The following TDRD1 variants were observed in gnomAD, a reference collection of about 807,000 sequenced individuals.
The protein encoded by TDRD1 is tudor domain-containing protein 1.
A neutral mutation model predicts 140.6 loss-of-function variants in TDRD1; 37 were observed. The ratio of observed to expected loss-of-function variants is 0.26; its 90% CI spans 0.20 to 0.35. The LOEUF (loss-of-function observed/expected upper bound fraction) is 0.35. Ranked by LOEUF, TDRD1 falls within the 10% of genes least tolerant of loss-of-function variation. The pLI, the probability that TDRD1 is intolerant of heterozygous loss-of-function variation, is 1.00. For missense variants in TDRD1, 1,243 were observed against 1,393.0 expected, an observed-to-expected ratio of 0.89 and a Z score of 1.71; for synonymous variants, 506 against 475.7, an observed-to-expected ratio of 1.06 and a Z score of -0.83.
rs1427630152 is a variant in TDRD1, at chr10:114,227,240, T to G, written c.3344T>G (p.Leu1115Arg). 26 of 1,614,104 alleles carry G rather than the reference T, an allele frequency of 1.6e-5. No individual in the cohort carries two copies. The Admixed American group carries it at 4.3e-4, about 27-fold the overall frequency. The change falls in exon 23 of 26, where the codon CTA (leucine) becomes CGA (arginine). Residue 1115 changes from leucine (L) to arginine (R), a missense_variant. By Grantham distance (102) the Leu-to-Arg change is moderately radical (BLOSUM62 -2). This residue lies in a region of TDRD1 where 601 missense variants were observed against 734.7 expected (regional missense o/e 0.82). Transcript: ENST00000251864. ...GGGACTGTCGATGTAGCTGATAAGC[T>G]AGTGACATTTGGTCTGGCAAAAAAC...
chr10:114,220,554 T>C lies in TDRD1; in HGVS notation c.2495-14T>C. 6.2e-7 allele frequency: 1 copy of C among 1,600,430 alleles called. No homozygotes were observed. On this transcript the variant is annotated splice_polypyrimidine_tract_variant and intron_variant, in intron 18 of 25. Transcript: ENST00000251864. ...GTTCATAGGATTCTTTTTACTGCTG[T>C]CCTTATTTTCTAGATATACAGTCTA...
chr10:114,200,670 C>T (rs780246878), intron 4 of TDRD1, among the ~76,000 whole-genome samples: 5 of 151,844 alleles, frequency 3.3e-5, no homozygotes, highest in South Asian at 2.1e-4. Flanking sequence ...ACTACAGGTG[C>T]GCACCACCAC....
At position 114,188,889 on chromosome 10, in the gene TDRD1, A is replaced by C. The variant is rs925451433; in HGVS notation, c.325+733A>C. On this transcript the variant is annotated intron_variant, in intron 2 of 25. Coordinates refer to ENST00000251864, the Ensembl canonical transcript of TDRD1. ...ATAAAACAAAATGAAAAAAAAAAAA[A>C]AAAAAACCTTTCTAAAGAGGTTAGG... 1.1e-3 allele frequency among the ~76,000 whole-genome samples: 167 copies of C among 152,110 alleles called. 2 individuals carry two copies. The highest frequency in any genetic ancestry group is 3.6e-3 in the African/African-American group (148 of 41,506).
exon 4 of TDRD1, chr10:114,199,214 A>T: frequency 1.9e-6 from 3 of 1,614,064 alleles, no homozygotes; most frequent in Non-Finnish European, 2.5e-6. Context: ...CAAAAAAACT[A>T]AACAAGTTGG....
downstream of TDRD1, among the ~76,000 whole-genome samples, chr10:114,232,504 CTTTTTTTTTTTTTTT>C (rs140805425): frequency 2.4e-5 from 2 of 81,682 alleles, no homozygotes; most frequent in African/African-American, 4.8e-5. Context: ...ACTTGAAAGA[CTTTTTTTTTTTTTTT>C]TTTTTTTTTT....
In TDRD1 at chr10:114,227,349, CAG is replaced by C. The variant is rs879723012; in HGVS notation, c.3403+52_3403+53del. 6 of 1,299,686 alleles carry C rather than the reference CAG, an allele frequency of 4.6e-6. No homozygotes were observed. The Admixed American group carries it at 6.9e-5, about 15-fold the overall frequency. The allele number at this position is 1,299,686 out of a possible 1,614,324, so 80.5% of individuals were successfully genotyped here. A position where few individuals can be genotyped will look rare whatever the true frequency, so the allele number is the denominator to read the frequency against. On this transcript the variant is annotated intron_variant, in intron 23 of 25. Transcript: ENST00000251864. ...AACAGATGTTAAGTGTGAGGAATAACAGATAATCAATTTAGTTGACTTGACCT... is the reference window on the plus strand; with the variant it reads ...AACAGATGTTAAGTGTGAGGAATAACATAATCAATTTAGTTGACTTGACCT...
chr10:114,227,461 C>G (rs1367225574), intron 23 of TDRD1, among the ~76,000 whole-genome samples, 162 bp downstream of exon 23: 2 of 152,190 alleles, frequency 1.3e-5, no homozygotes, highest in Non-Finnish European at 2.9e-5. Context: ...CCTGGGAGGG[C>G]CGCCTTGATG....
At chr10:114,182,137 G>C (rs773652245) in intron 1 of TDRD1, among the ~76,000 whole-genome samples, 1 of 152,196 alleles carries the variant, frequency 6.6e-6, no homozygotes, top group Non-Finnish European at 1.5e-5. Context: ...CTGCCAACCC[G>C]TGTCTGGAAT....
exon 4 of TDRD1, chr10:114,199,220 G>T: frequency 6.2e-7 from 1 of 1,614,026 alleles, no homozygotes; most frequent in Non-Finnish European, 8.5e-7. Flanking sequence ...AACTAAACAA[G>T]TTGGTCGAGA....
chr10:114,215,312 C>T (rs1307940638), intron 16 of TDRD1, among the ~76,000 whole-genome samples: 2 of 152,172 alleles, frequency 1.3e-5, no homozygotes, highest in African/African-American at 2.4e-5. Flanking sequence ...TACCATTGGA[C>T]ACTTGGCCTG....
intron 1 of TDRD1, among the ~76,000 whole-genome samples, chr10:114,183,644 A>T (rs2033274663): frequency 6.6e-6 from 1 of 151,918 alleles, no homozygotes; most frequent in African/African-American, 2.4e-5. Flanking sequence ...TGTTTCTGGA[A>T]ACTAAGATTC....
At position 114,226,230 on chromosome 10, in the gene TDRD1, T is replaced by C; in HGVS notation, c.3175+14T>C. ...GTTCACTTGAAGGTAGACAGCTAAGTCACTTTCCAATTTAGGTTTCTGGGT... is the reference window on the plus strand; with the variant it reads ...GTTCACTTGAAGGTAGACAGCTAAGCCACTTTCCAATTTAGGTTTCTGGGT... On this transcript the variant is annotated intron_variant, in intron 22 of 25. Coordinates refer to ENST00000251864, the Ensembl canonical transcript of TDRD1. The C allele has an allele frequency of 6.3e-7, 1 of 1,585,218 alleles. No individual in the cohort carries two copies. The highest frequency in any genetic ancestry group is 8.6e-7 in the Non-Finnish European group (1 of 1,166,806).
intron 16 of TDRD1, among the ~76,000 whole-genome samples, chr10:114,214,439 A>AT (rs1440880900): frequency 1.7e-4 from 26 of 152,294 alleles, no homozygotes; most frequent in Admixed American, 1.2e-3. Context: ...AGGCAAGAGG[A>AT]TGACGAGGCC....
chr10:114,226,852 G>T (rs117651272), intron 22 of TDRD1, among the ~76,000 whole-genome samples: 29 of 152,200 alleles, frequency 1.9e-4, no homozygotes, highest in Non-Finnish European at 3.8e-4. Context: ...TGTCTGTTTC[G>T]TGCCCTCTAG....
chr10:114,217,512 T>G, intron 16 of TDRD1, 33 bp from the exon 17 acceptor site: 1 of 1,164,384 alleles, frequency 8.6e-7, no homozygotes, highest in Non-Finnish European at 1.2e-6. Context: ...TTTTAATATG[T>G]TCTTAATTTT....
chr10:114,219,243 C>A (rs2035994697), intron 18 of TDRD1, among the ~76,000 whole-genome samples: 1 of 152,180 alleles, frequency 6.6e-6, no homozygotes, highest in South Asian at 2.1e-4. Flanking sequence ...TGCTTGCTGT[C>A]TATGAGACGT....
chr10:114,226,074 T>G, exon 22 of TDRD1: 1 of 1,614,082 alleles, frequency 6.2e-7, no homozygotes, highest in Non-Finnish European at 8.5e-7. Context: ...ATCGTGCAGT[T>G]GTTCTGGGGA....
In TDRD1 at chr10:114,213,973, A is replaced by G. The variant is rs1280523202; in HGVS notation, c.2075-4A>G. 1 of 1,613,850 alleles carries G rather than the reference A, an allele frequency of 6.2e-7. No homozygotes were observed. The highest frequency in any genetic ancestry group is 8.5e-7 in the Non-Finnish European group (1 of 1,179,824). On this transcript the variant is annotated splice_region_variant and splice_polypyrimidine_tract_variant and intron_variant, in intron 15 of 25. Transcript: ENST00000251864. ...GTCCATTTAATGTTTAATTATTTTC[A>G]CAGTTCCCTTGGGTGTGGAAGGAAA...
chr10:114,194,761 T>G (rs2034222362), intron 3 of TDRD1, among the ~76,000 whole-genome samples: 1 of 149,902 alleles, frequency 6.7e-6, no homozygotes, highest in Admixed American at 6.6e-5. Context: ...GTTGTTGGTT[T>G]TTTTTTTTTT....
Sources: allele counts gnomAD v4.1 joint callset (sites outside exome capture counted in the v4.1 genomes callset), GRCh38; gene constraint gnomAD v4.1.1; regional missense constraint gnomAD v4.1.1; transcripts MANE v1.5; gene names NCBI Gene and HGNC (gene_info 2026-07-23, HGNC 2026-07-21).